The following CCDC178 variants were observed in gnomAD, a reference collection of about 807,000 sequenced individuals.
CCDC178 encodes coiled-coil domain-containing protein 178.
Under a neutral mutation model 117.4 loss-of-function variants are expected in CCDC178, and 126 were observed. The ratio of observed to expected loss-of-function variants is 1.07; its 90% CI spans 0.93 to 1.24. The LOEUF is 1.24. Among genes scored for constraint, CCDC178 ranks in the 50% most tolerant of loss-of-function variants. The probability of loss-of-function intolerance (pLI) is 0.00; values close to 1 mark genes in which losing one functional copy is unlikely to be tolerated. For synonymous variants in CCDC178, 283 were observed against 313.4 expected (o/e 0.90, Z 1.02); for missense variants, 1,030 against 986.9 (o/e 1.04, Z -0.59).
At chr18:33,049,360 T>C (rs1010483173) in intron 21 of CCDC178, among the ~76,000 whole-genome samples, 8 of 152,156 alleles carry the variant, frequency 5.3e-5, no homozygotes, top group Non-Finnish European at 8.8e-5. Context: ...TATATACACA[T>C]ACCAAACACA....
At position 33,344,119 on chromosome 18, in the gene CCDC178, A is replaced by G. The variant is rs978321314; in HGVS notation, c.658+2092T>C. ...GGAGATCGAGACCATCCTGGCTAACAAGGCGAAACCCCGTCTCTACTAAAA... is the reference window on the plus strand; with the variant it reads ...GGAGATCGAGACCATCCTGGCTAACGAGGCGAAACCCCGTCTCTACTAAAA... On this transcript the variant is annotated intron_variant, in intron 9 of 22. Transcript: ENST00000383096. Among the ~76,000 whole-genome samples the G allele has an allele frequency of 1.0e-3, 153 of 150,780 alleles. 1 individual carries two copies. Among genetic ancestry groups the G allele is most frequent in the African/African-American group, 3.5e-3 (142 of 41,036 alleles).
intron 9 of CCDC178, among the ~76,000 whole-genome samples, chr18:33,335,262 T>A (rs1202581335): frequency 1.3e-5 from 2 of 152,080 alleles, no homozygotes; most frequent in East Asian, 3.8e-4. Context: ...TACTGATTTC[T>A]CTTTAATGAC....
chr18:33,184,591 T>C (rs2058768160), intron 20 of CCDC178, among the ~76,000 whole-genome samples: 2 of 152,048 alleles, frequency 1.3e-5, no homozygotes, highest in Admixed American at 1.3e-4. Flanking sequence ...AAATAGAAAG[T>C]TGCTGCAGCC....
intron 2 of CCDC178, among the ~76,000 whole-genome samples, chr18:33,431,603 T>C (rs891026548): frequency 1.1e-4 from 17 of 152,148 alleles, no homozygotes; most frequent in Non-Finnish European, 1.8e-4. Flanking sequence ...AACTTTAAAC[T>C]AATCTTGTTA....
At chr18:32,976,934 T>C (rs570390813) in intron 21 of CCDC178, among the ~76,000 whole-genome samples, 1 of 152,292 alleles carries the variant, frequency 6.6e-6, no homozygotes, top group African/African-American at 2.4e-5. Context: ...GAGGCCATAA[T>C]CTTATAGATA....
At chr18:33,303,018 C>T (rs1599130982) in intron 11 of CCDC178, among the ~76,000 whole-genome samples, 1 of 152,132 alleles carries the variant, frequency 6.6e-6, no homozygotes, top group East Asian at 1.9e-4. Flanking sequence ...TTGGAATGTT[C>T]CCAACATGAG....
chr18:33,274,931 T>C (rs759973005), intron 12 of CCDC178, among the ~76,000 whole-genome samples: 5 of 152,108 alleles, frequency 3.3e-5, no homozygotes, highest in Non-Finnish European at 5.9e-5. Flanking sequence ...ACTTTAGCCC[T>C]GGCCTAAGTA....
At chr18:33,111,280 C>T (rs1013064168) in intron 20 of CCDC178, among the ~76,000 whole-genome samples, 1 of 151,424 alleles carries the variant, frequency 6.6e-6, no homozygotes, top group Admixed American at 6.6e-5. Context: ...TTAGTTCTTA[C>T]TGTTTATCTG....
Position 32,958,219 on chromosome 18 carries a change from G to A in CCDC178, c.2523+16328C>T, listed in dbSNP as rs887579075. ...TTTATTCTTTTTCCAAATCATACTG[G>A]TTCTGTAAAACAAAAACATAGTTAG... On this transcript the variant is annotated intron_variant, in intron 22 of 22. Transcript: ENST00000383096. The A allele has an allele frequency of 7.1e-6, 4 of 567,030 alleles. No individual in the cohort carries two copies. In the African/African-American group the frequency reaches 7.6e-5, roughly 11 times the overall value. 35.1% of individuals were successfully genotyped at this position (567,030 alleles called of 1,614,324 possible).
chr18:33,040,963 T>G (rs915876662), intron 21 of CCDC178, among the ~76,000 whole-genome samples: 1 of 151,946 alleles, frequency 6.6e-6, no homozygotes, highest in East Asian at 1.9e-4. Flanking sequence ...GAATATGCCT[T>G]GTGTTGGAAG....
At chr18:33,263,805 A>T (rs910751239) in intron 14 of CCDC178, among the ~76,000 whole-genome samples, 6 of 152,146 alleles carry the variant, frequency 3.9e-5, no homozygotes, top group Non-Finnish European at 5.9e-5. Context: ...GTTGAAAAAT[A>T]GAAACTTTTT....
chr18:33,337,226 T>G (rs540856007), intron 9 of CCDC178, among the ~76,000 whole-genome samples: 3 of 152,048 alleles, frequency 2.0e-5, no homozygotes, highest in Admixed American at 2.0e-4. Context: ...GCTATTGATT[T>G]GTGTACATTA....
At chr18:32,976,046 T>C (rs566399099) in intron 21 of CCDC178, among the ~76,000 whole-genome samples, 1 of 152,206 alleles carries the variant, frequency 6.6e-6, no homozygotes, top group South Asian at 2.1e-4. Context: ...AAATAAAGCC[T>C]CTATTTTTGG....
At chr18:33,117,656 G>A (rs920323992) in intron 20 of CCDC178, among the ~76,000 whole-genome samples, 1 of 151,752 alleles carries the variant, frequency 6.6e-6, no homozygotes, top group Non-Finnish European at 1.5e-5. Flanking sequence ...CACCAACATG[G>A]CACATGTATA....
chr18:33,242,358 C>T (rs1193893662), intron 15 of CCDC178, among the ~76,000 whole-genome samples: 1 of 151,516 alleles, frequency 6.6e-6, no homozygotes. Context: ...AGATATTATT[C>T]CAAAGACCTC....
intron 3 of CCDC178, among the ~76,000 whole-genome samples, chr18:33,410,202 C>A (rs1352524912): frequency 1.3e-5 from 2 of 152,280 alleles, no homozygotes; most frequent in East Asian, 1.9e-4. Context: ...AGTCTTGGAA[C>A]AAACTATTAG....
intron 20 of CCDC178, among the ~76,000 whole-genome samples, chr18:33,187,025 G>A (rs2058802639): frequency 6.6e-6 from 1 of 151,270 alleles, no homozygotes; most frequent in African/African-American, 2.4e-5. Context: ...TGCATGGCTG[G>A]GGAAACTTAC....
chr18:33,087,619 C>A (rs547488641), intron 21 of CCDC178, among the ~76,000 whole-genome samples: 1 of 148,502 alleles, frequency 6.7e-6, no homozygotes, highest in East Asian at 2.0e-4. Context: ...TGTCCACATG[C>A]CTGTGTTCTA....
intron 20 of CCDC178, among the ~76,000 whole-genome samples, chr18:33,157,583 G>C (rs2058416259): frequency 1.3e-5 from 2 of 151,838 alleles, no homozygotes; most frequent in South Asian, 4.1e-4. Flanking sequence ...ACAGTAATGT[G>C]GTTTTAAAAA....
Sources: gnomAD v4.1 joint callset for allele counts (sites outside exome capture counted in the v4.1 genomes callset) on GRCh38, gnomAD v4.1.1 for gene constraint, MANE v1.5 for transcripts, NCBI Gene and HGNC (gene_info 2026-07-23, HGNC 2026-07-21) for gene names.